The following CA8 variants were observed in gnomAD, a reference collection of about 807,000 sequenced individuals.
CA8 encodes the protein carbonic anhydrase-related protein.
In CA8, 22 loss-of-function variants were observed where a neutral mutation model predicts 41.4. The observed-to-expected ratio is 0.53, with a 90% CI of 0.38 to 0.76. The LOEUF is 0.76. Among genes scored for constraint, CA8 ranks in the 30% least tolerant of loss-of-function variants. The pLI, the probability that CA8 is intolerant of heterozygous loss-of-function variation, is 0.00. For missense variants in CA8, 270 were observed against 352.8 expected (o/e 0.77, Z 1.88); for synonymous variants, 121 against 130.6 (o/e 0.93, Z 0.50).
At chr8:60,242,352 T>C (rs1189365524) in intron 3 of CA8, among the ~76,000 whole-genome samples, 3 of 152,082 alleles carry the variant, frequency 2.0e-5, no homozygotes, top group Non-Finnish European at 4.4e-5. Context: ...AAGAAGGAAA[T>C]GGAGGTACAG....
At chr8:60,229,876 C>T (rs749697566) in intron 4 of CA8, among the ~76,000 whole-genome samples, 1 of 152,146 alleles carries the variant, frequency 6.6e-6, no homozygotes, top group Non-Finnish European at 1.5e-5. Flanking sequence ...AATCCTTTTA[C>T]CTCCTAAATC....
At chr8:60,264,090 A>T (rs1198917441) in intron 3 of CA8, among the ~76,000 whole-genome samples, 2 of 152,238 alleles carry the variant, frequency 1.3e-5, no homozygotes, top group African/African-American at 4.8e-5. Flanking sequence ...ACAAACCATT[A>T]CCTGTGCTTA....
intron 7 of CA8, among the ~76,000 whole-genome samples, chr8:60,215,445 T>A (rs1431083352): frequency 6.7e-6 from 1 of 148,984 alleles, no homozygotes; most frequent in African/African-American, 2.5e-5. Flanking sequence ...GATAAAAGAC[T>A]ACAAGTTGGG....
chr8:60,280,948 G>T (rs1804400003), intron 1 of CA8, 100 bp downstream of exon 1: 1 of 841,326 alleles, frequency 1.2e-6, no homozygotes, highest in East Asian at 2.6e-5. Context: ...GGGCGTGGGG[G>T]TGCTCGGAGC....
At chr8:60,214,803 G>C (rs1340459606) in intron 7 of CA8, among the ~76,000 whole-genome samples, 1 of 152,154 alleles carries the variant, frequency 6.6e-6, no homozygotes, top group Non-Finnish European at 1.5e-5. Flanking sequence ...CAGAAGAAAA[G>C]AACATTTAAA....
In CA8 at chr8:60,281,334, T is replaced by G. The variant is rs1000377934; in HGVS notation, c.-187A>C. ...CAAGCAGGCGTGCGTTCGGACCGAG[T>G]GTTCCAGAGACCCGCGTGGGAAGCG... On this transcript the variant is annotated 5_prime_UTR_variant, in exon 1 of 9. Coordinates refer to ENST00000317995, the MANE Select transcript of CA8 (RefSeq NM_004056.6). The G allele has an allele frequency of 1.2e-4, 74 of 593,676 alleles. No homozygotes were observed. In the African/African-American group the frequency reaches 1.3e-3, roughly 11 times the overall value. The allele number at this position is 593,676 out of a possible 1,614,324, so 36.8% of individuals were successfully genotyped here.
rs193174241 is a variant in CA8, at chr8:60,252,701, T to G, written c.417+13224A>C. Among the ~76,000 whole-genome samples the G allele has an allele frequency of 2.8e-3, 424 of 152,320 alleles. 2 individuals are homozygous for G. Among genetic ancestry groups the G allele is most frequent in the African/African-American group, 9.4e-3 (392 of 41,570 alleles). On this transcript the variant is annotated intron_variant, in intron 3 of 8. Coordinates refer to ENST00000317995, the MANE Select transcript of CA8 (RefSeq NM_004056.6). ...ATCCAAAAATCTCTACTCCAAAATA[T>G]TCCAGTGAGCATTTCTTTTGAGTAT...
chr8:60,239,196 T>G (rs1195635529), intron 3 of CA8, among the ~76,000 whole-genome samples: 1 of 152,172 alleles, frequency 6.6e-6, no homozygotes, highest in African/African-American at 2.4e-5. Flanking sequence ...CTTGAACTCC[T>G]GGGCTCAGGT....
intron 3 of CA8, among the ~76,000 whole-genome samples, chr8:60,240,765 C>T (rs971178442): frequency 6.6e-6 from 1 of 152,090 alleles, no homozygotes; most frequent in African/African-American, 2.4e-5. Flanking sequence ...TGTAGCAGGT[C>T]CCAATAGATT....
At chr8:60,224,826 G>C (rs1418525891) in intron 5 of CA8, among the ~76,000 whole-genome samples, 3 of 151,960 alleles carry the variant, frequency 2.0e-5, no homozygotes, top group African/African-American at 7.3e-5. Context: ...GTCCTGGTGT[G>C]GAACCTACAC....
chr8:60,260,698 A>G (rs1803703074), intron 3 of CA8, among the ~76,000 whole-genome samples: 1 of 152,226 alleles, frequency 6.6e-6, no homozygotes, highest in African/African-American at 2.4e-5. Flanking sequence ...AGTTTGGACT[A>G]GATGATCTTG....
intron 8 of CA8, among the ~76,000 whole-genome samples, chr8:60,190,957 T>TATATATATATACAC (rs1554573722): frequency 2.5e-4 from 26 of 104,236 alleles, no homozygotes; most frequent in African/African-American, 6.2e-4. Flanking sequence ...TATATATATA[T>TATATATATATACAC]ACACACACAC....
intron 8 of CA8, among the ~76,000 whole-genome samples, chr8:60,202,904 G>T (rs1251066972): frequency 1.3e-5 from 2 of 152,110 alleles, no homozygotes; most frequent in African/African-American, 4.8e-5. Context: ...CAGAAGTCTT[G>T]CATGAAGAAA....
Position 60,232,285 on chromosome 8 carries a change from T to C in CA8, c.512A>G (p.Gln171Arg), listed in dbSNP as rs1807674456. The change falls in exon 4 of 9, where the codon CAG becomes CGG. Residue 171 changes from glutamine (Q) to arginine (R), a missense_variant and splice_region_variant. By Grantham distance (43) the Gln-to-Arg change is conservative. Transcript: ENST00000317995. ...CGATAATCACAGCAGACCGTTTACC[T>C]GAACAAACAGAGCAATGATGGCGAT... ...HGIAIIALFVQIGKEHVGLKA... is the reference protein window; with the variant it reads ...HGIAIIALFVRIGKEHVGLKA... 6.2e-7 allele frequency: 1 copy of C among 1,609,470 alleles called. No homozygotes were observed. The highest frequency in any genetic ancestry group is 1.3e-5 in the African/African-American group (1 of 74,958).
intron 7 of CA8, among the ~76,000 whole-genome samples, chr8:60,212,979 T>C (rs1041917669): frequency 3.3e-5 from 5 of 152,154 alleles, no homozygotes; most frequent in African/African-American, 9.7e-5. Flanking sequence ...AATTAAAAAG[T>C]CAAAAGCAAA....
intron 2 of CA8, among the ~76,000 whole-genome samples, chr8:60,275,630 G>C (rs753973042): frequency 1.3e-5 from 2 of 151,898 alleles, no homozygotes; most frequent in African/African-American, 2.4e-5. Flanking sequence ...GTTACCAAAA[G>C]AGGAGGAAAA....
chr8:60,253,203 C>G (rs1478055799), intron 3 of CA8, among the ~76,000 whole-genome samples: 2 of 152,010 alleles, frequency 1.3e-5, no homozygotes, highest in African/African-American at 2.4e-5. Flanking sequence ...TCACTGCACT[C>G]CAGTCTGAGT....
intron 3 of CA8, among the ~76,000 whole-genome samples, chr8:60,260,776 T>C (rs927852937): frequency 3.3e-5 from 5 of 152,298 alleles, no homozygotes; most frequent in Admixed American, 2.6e-4. Context: ...ATGTTCACTC[T>C]CAAACTAAAG....
In CA8 at chr8:60,221,679, G is replaced by T. The variant is rs530408045; in HGVS notation, c.738+970C>A. 1.1e-4 allele frequency among the ~76,000 whole-genome samples: 16 copies of T among 152,292 alleles called. No individual in the cohort carries two copies. The South Asian group carries it at 3.1e-3, about 30-fold the overall frequency. ...AAGGTTCAAAAGTGATATGATCAAAGTTCATAAAATAATGAAGGGTATGGG... is the reference window on the plus strand; with the variant it reads ...AAGGTTCAAAAGTGATATGATCAAATTTCATAAAATAATGAAGGGTATGGG... On this transcript the variant is annotated intron_variant, in intron 7 of 8. Coordinates refer to ENST00000317995, the MANE Select transcript of CA8 (RefSeq NM_004056.6).
Sources: allele counts gnomAD v4.1 joint callset (sites outside exome capture counted in the v4.1 genomes callset), GRCh38; gene constraint gnomAD v4.1.1; transcripts MANE v1.5; gene names NCBI Gene and HGNC (gene_info 2026-07-23, HGNC 2026-07-21).